SAMD12: variants seen among roughly 807,000 people sequenced by gnomAD.
SAMD12 encodes the protein sterile alpha motif domain containing 12.
Under a neutral mutation model 15.0 loss-of-function variants are expected in SAMD12, and 9 were observed. That is an observed-to-expected ratio of 0.60 (90% confidence interval 0.36 to 1.05). SAMD12 has a LOEUF of 1.05. Ranked by LOEUF, SAMD12 falls within the 50% of genes least tolerant of loss-of-function variation. The pLI is 0.01. For synonymous variants in SAMD12, 86 were observed against 90.1 expected (o/e 0.96, Z 0.25); for missense variants, 230 against 234.2 (o/e 0.98, Z 0.12).
intron 4 of SAMD12, among the ~76,000 whole-genome samples, chr8:118,254,157 G>A (rs572470343): frequency 1.2e-4 from 19 of 152,260 alleles, no homozygotes; most frequent in South Asian, 6.2e-4. Flanking sequence ...ACGTAGAGGA[G>A]GGTGATGGGA....
the SAMD12 span, among the ~76,000 whole-genome samples, chr8:118,168,392 C>T: frequency 6.6e-6 from 1 of 152,140 alleles, no homozygotes; most frequent in Non-Finnish European, 1.5e-5. Context: ...GTGTCATTAG[C>T]CCTGAGACAC....
intron 4 of SAMD12, chr8:118,197,748 G>C (rs1254548340): frequency 9.9e-6 from 16 of 1,611,580 alleles, no homozygotes; most frequent in Non-Finnish European, 1.4e-5. Flanking sequence ...AGAAGAAAAA[G>C]GGGGAAATAT....
intron 2 of SAMD12, among the ~76,000 whole-genome samples, chr8:118,574,440 TCA>T (rs1827099811): frequency 6.6e-6 from 1 of 152,276 alleles, no homozygotes; most frequent in Admixed American, 6.5e-5. Context: ...GTAGACTGTG[TCA>T]CTGCTAGCCT....
intron 4 of SAMD12, among the ~76,000 whole-genome samples, chr8:118,222,955 CAA>C (rs1344158322): frequency 6.6e-6 from 1 of 152,094 alleles, no homozygotes; most frequent in Non-Finnish European, 1.5e-5. Flanking sequence ...TCTGACTTGT[CAA>C]AACTACAGGT....
rs1404138225 is a variant in SAMD12 at position 118,255,117 on chromosome 8, C to A, written c.434-57385G>T. ...TTAAGCCGCATCACTGTGATGAAAC[C>A]AATACAGACCGTGGGGGCAGACTAC... On this transcript the variant is annotated intron_variant, in intron 4 of 4. Coordinates refer to the SAMD12 transcript ENST00000409003. Among the ~76,000 whole-genome samples, 143 of 151,912 alleles carry A rather than the reference C, an allele frequency of 9.4e-4. 1 individual carries two copies. Among genetic ancestry groups the A allele is most frequent in the Non-Finnish European group, 1.2e-4 (8 of 67,974 alleles).
chr8:118,537,146 A>G (rs1284416767), intron 2 of SAMD12, among the ~76,000 whole-genome samples: 1 of 152,194 alleles, frequency 6.6e-6, no homozygotes, highest in African/African-American at 2.4e-5. Context: ...GTCTGTTTCC[A>G]GATACATTGA....
intron 2 of SAMD12, among the ~76,000 whole-genome samples, chr8:118,442,574 C>G (rs762644780): frequency 1.3e-5 from 2 of 152,164 alleles, no homozygotes; most frequent in Admixed American, 6.5e-5. Flanking sequence ...GTTTCTTTTT[C>G]TCTTTGCTCA....
At chr8:118,155,803 T>G in the SAMD12 span, among the ~76,000 whole-genome samples, 1 of 152,206 alleles carries the variant, frequency 6.6e-6, no homozygotes, top group East Asian at 1.9e-4. Flanking sequence ...GTGTCCAAAT[T>G]AGCAGTATCC....
chr8:118,374,483 T>C (rs73325688), downstream of SAMD12, among the ~76,000 whole-genome samples: 7,025 of 152,260 alleles, frequency 0.046, 519 homozygotes, highest in African/African-American at 0.16. Flanking sequence ...TTGAATTCTT[T>C]TGGATATGTA....
intron 4 of SAMD12, among the ~76,000 whole-genome samples, chr8:118,242,776 G>T (rs558082607): frequency 6.6e-6 from 1 of 152,124 alleles, no homozygotes; most frequent in African/African-American, 2.4e-5. Context: ...CTCAAAATGA[G>T]AAATGTAACT....
chr8:118,170,226 T>C, the SAMD12 span, among the ~76,000 whole-genome samples: 1 of 152,164 alleles, frequency 6.6e-6, no homozygotes, highest in Non-Finnish European at 1.5e-5. Context: ...CTCGTGAAGA[T>C]TAAATGCCAT....
intron 2 of SAMD12, among the ~76,000 whole-genome samples, chr8:118,533,768 CTTT>C (rs55898185): frequency 6.9e-6 from 1 of 145,322 alleles, no homozygotes; most frequent in Admixed American, 6.9e-5. Flanking sequence ...GCAACCCTTG[CTTT>C]TTTTTTTTGT....
At chr8:118,357,762 A>G (rs1448164195) in intron 4 of SAMD12, among the ~76,000 whole-genome samples, 1 of 152,212 alleles carries the variant, frequency 6.6e-6, no homozygotes, top group Non-Finnish European at 1.5e-5. Context: ...TTGAGGCTCC[A>G]CAGGACCTGG....
downstream of SAMD12, chr8:118,375,731 G>T (rs1819352893): frequency 6.6e-6 from 1 of 151,980 alleles, no homozygotes; most frequent in Non-Finnish European, 1.5e-5. Context: ...CCTTTAAATA[G>T]TTAATATACT....
At chr8:118,231,895 TAA>T (rs112689134) in intron 4 of SAMD12, among the ~76,000 whole-genome samples, 1 of 140,640 alleles carries the variant, frequency 7.1e-6, no homozygotes. Flanking sequence ...AGTACTGGTC[TAA>T]AAAAAAAAAA....
intron 2 of SAMD12, among the ~76,000 whole-genome samples, chr8:118,497,062 A>C (rs1265273202): frequency 1.3e-5 from 2 of 152,206 alleles, no homozygotes; most frequent in Admixed American, 1.3e-4. Flanking sequence ...AAAAAGTCAA[A>C]AAATAACAGA....
At chr8:118,239,392 A>G (rs901912204) in intron 4 of SAMD12, among the ~76,000 whole-genome samples, 16 of 152,284 alleles carry the variant, frequency 1.1e-4, no homozygotes, top group Admixed American at 1.0e-3. Flanking sequence ...ATCCTCAAAC[A>G]GCCATATGAA....
chr8:118,548,669 G>T (rs986618799), intron 2 of SAMD12, among the ~76,000 whole-genome samples: 6 of 152,246 alleles, frequency 3.9e-5, no homozygotes, highest in African/African-American at 1.4e-4. Context: ...GTGCCAGAGA[G>T]TGGGCGCAGG....
the SAMD12 span, among the ~76,000 whole-genome samples, chr8:118,166,609 T>C: frequency 6.6e-6 from 1 of 152,174 alleles, no homozygotes; most frequent in Non-Finnish European, 1.5e-5. Flanking sequence ...CCTTTACAGG[T>C]TGGGAATGAT....
Sources: allele counts gnomAD v4.1 joint callset (sites outside exome capture counted in the v4.1 genomes callset), GRCh38; gene constraint gnomAD v4.1.1; transcripts MANE v1.5; gene names NCBI Gene and HGNC (gene_info 2026-07-23, HGNC 2026-07-21).